Variants in NDUFAF6 observed in about 807,000 individuals in gnomAD.
The protein encoded by NDUFAF6 is NADH dehydrogenase (ubiquinone) complex I, assembly factor 6.
NDUFAF6 carries 45 observed loss-of-function variants against 40.8 expected under a neutral mutation model. That is an observed-to-expected ratio of 1.10 (90% confidence interval 0.87 to 1.42). NDUFAF6 has a LOEUF of 1.42. NDUFAF6 is among the 40% of genes most tolerant of loss of function. The probability of loss-of-function intolerance (pLI) is 0.00; values close to 1 mark genes in which losing one functional copy is unlikely to be tolerated. For missense variants in NDUFAF6, 435 were observed against 418.5 expected (o/e 1.04, Z -0.34); for synonymous variants, 185 against 155.9 (o/e 1.19, Z -1.39).
chr8:94,991,805 C>A (rs911412375), intron 2 of NDUFAF6, among the ~76,000 whole-genome samples: 1 of 141,470 alleles, frequency 7.1e-6, no homozygotes, highest in Non-Finnish European at 1.5e-5. Flanking sequence ...CGCCCCCCCC[C>A]CCTTTTTTTT....
chr8:94,977,021 C>T (rs975201214), intron 1 of NDUFAF6, among the ~76,000 whole-genome samples: 1 of 151,398 alleles, frequency 6.6e-6, no homozygotes, highest in Non-Finnish European at 1.5e-5. Flanking sequence ...CGTGGTGGCA[C>T]ACACCTGTGG....
intron 9 of NDUFAF6, among the ~76,000 whole-genome samples, chr8:95,069,395 A>G (rs922120676): frequency 7.9e-5 from 12 of 151,906 alleles, no homozygotes; most frequent in Non-Finnish European, 1.6e-4. Context: ...ACAGAAGACT[A>G]CTGCTACCAC....
chr8:94,909,658 C>A (rs954184500), intron 1 of NDUFAF6, among the ~76,000 whole-genome samples: 2 of 151,572 alleles, frequency 1.3e-5, no homozygotes, highest in Admixed American at 1.3e-4. Context: ...AAAAAGCCAG[C>A]CGGGCGTGGT....
In NDUFAF6 at chr8:95,032,016, T is replaced by C; in HGVS notation, c.219T>C (p.Tyr73=). ...ACAGGAAACGGGATTATGAAGGTTATTTATGCTCCCTGCTGCTCCCTGCAG... is the reference window on the plus strand; with the variant it reads ...ACAGGAAACGGGATTATGAAGGTTACTTATGCTCCCTGCTGCTCCCTGCAG... ...ELLRKRDYEG[Y]LCSLLLPAES... is the part of the protein sequence containing the mutation. Residue 73 remains tyrosine, a synonymous_variant, in exon 2 of 9, where the codon TAT becomes TAC. Coordinates refer to ENST00000396124, the MANE Select transcript of NDUFAF6 (RefSeq NM_152416.4). 6.2e-7 allele frequency: 1 copy of C among 1,613,980 alleles called. No homozygotes were observed. The highest frequency in any genetic ancestry group is 1.3e-5 in the African/African-American group (1 of 75,046).
chr8:94,962,616 G>GTTTTTTTTT (rs1289805308), intron 1 of NDUFAF6, among the ~76,000 whole-genome samples: 1 of 97,644 alleles, frequency 1.0e-5, no homozygotes, highest in Non-Finnish European at 2.3e-5. Flanking sequence ...TTTGTTTTTT[G>GTTTTTTTTT]TTTTTTTTTT....
intron 3 of NDUFAF6, chr8:95,036,265 C>T: frequency 8.1e-7 from 1 of 1,239,360 alleles, no homozygotes; most frequent in Non-Finnish European, 1.0e-6. Flanking sequence ...GAATTAGATA[C>T]CTTTCATCAC....
chr8:95,091,790 G>C lies in NDUFAF6; in HGVS notation n.214-9342G>C, dbSNP rs562309319. Among the ~76,000 whole-genome samples the C allele has an allele frequency of 3.6e-3, 438 of 123,018 alleles. 1 individual carries two copies. Among genetic ancestry groups the C allele is most frequent in the Admixed American group, 6.3e-3 (66 of 10,548 alleles). 80.7% of individuals were successfully genotyped at this position (123,018 alleles called of 152,430 possible). A position where few individuals can be genotyped will look rare whatever the true frequency, so the allele number is the denominator to read the frequency against. On this transcript the variant is annotated intron_variant and non_coding_transcript_variant, in intron 2 of 5. Transcript: ENST00000523184. ...TGAGTAGCTGGGACTACAGGTGTGT[G>C]CTACTGCCCCTGGCTAATTTTTTTT...
In NDUFAF6 at chr8:95,010,860, G is replaced by A. The variant is rs548224961; in HGVS notation, c.-83-21135G>A. ...GGGAAAGGTTTTGTGGGGAGTAAAG[G>A]CCGTCAAGACAAAGGGGAAGGAAGC... On this transcript the variant is annotated intron_variant, in intron 2 of 9. Transcript: ENST00000396111. Among the ~76,000 whole-genome samples, 6 of 152,322 alleles carry A rather than the reference G, an allele frequency of 3.9e-5. No individual in the cohort carries two copies. The East Asian group carries it at 1.2e-3, about 29-fold the overall frequency.
intron 4 of NDUFAF6, among the ~76,000 whole-genome samples, chr8:95,110,242 C>T (rs1179858758): frequency 5.3e-5 from 8 of 152,194 alleles, no homozygotes; most frequent in South Asian, 2.1e-4. Flanking sequence ...ATTAGTATCT[C>T]GCCTACAACA....
intron 9 of NDUFAF6, chr8:95,075,538 C>T: frequency 3.7e-6 from 4 of 1,077,636 alleles, no homozygotes; most frequent in Non-Finnish European, 5.0e-6. Context: ...TTTATCCTCC[C>T]CAGGCCAACC....
At chr8:94,991,397 A>T (rs961514041) in intron 2 of NDUFAF6, among the ~76,000 whole-genome samples, 3 of 152,234 alleles carry the variant, frequency 2.0e-5, no homozygotes, top group Non-Finnish European at 4.4e-5. Context: ...CTCTGGAGTC[A>T]GGCAGAGGTA....
intron 1 of NDUFAF6, chr8:94,896,057 G>C (rs1027173630): frequency 2.1e-4 from 32 of 153,602 alleles, no homozygotes; most frequent in African/African-American, 7.5e-4. Flanking sequence ...CAGTCCCCGC[G>C]CAGGAAACGC....
chr8:95,098,528 T>C (rs1346571492), upstream of NDUFAF6, among the ~76,000 whole-genome samples: 1 of 152,188 alleles, frequency 6.6e-6, no homozygotes, highest in Admixed American at 6.5e-5. Flanking sequence ...TAGCCGGGCA[T>C]GGTGGCACAC....
At chr8:95,010,908 C>A (rs906115152) in intron 2 of NDUFAF6, among the ~76,000 whole-genome samples, 1 of 152,226 alleles carries the variant, frequency 6.6e-6, no homozygotes, top group Non-Finnish European at 1.5e-5. Flanking sequence ...AAGGAGCCAG[C>A]AGACCCAATC....
intron 2 of NDUFAF6, among the ~76,000 whole-genome samples, chr8:94,985,470 TATATATATATATATATATATATA>T (rs1563770415): frequency 3.3e-3 from 3 of 910 alleles, no homozygotes; most frequent in Non-Finnish European, 6.2e-3. Context: ...ACAATAATTA[TATATATATATATATATATATATA>T]TATATATATA....
At chr8:95,062,570 A>T (rs1424702870), downstream of NDUFAF6, among the ~76,000 whole-genome samples, 1 of 152,196 alleles carries the variant, frequency 6.6e-6, no homozygotes. Flanking sequence ...CCTGACTCAA[A>T]CATTCATGTT....
chr8:95,082,871 G>A (rs1031976907), intron 2 of NDUFAF6, among the ~76,000 whole-genome samples: 1 of 151,994 alleles, frequency 6.6e-6, no homozygotes. Flanking sequence ...CGTTTTAGCC[G>A]GGATGGTTTC....
intron 1 of NDUFAF6, chr8:94,939,818 C>A: frequency 6.3e-7 from 1 of 1,577,080 alleles, no homozygotes; most frequent in Non-Finnish European, 8.6e-7. Flanking sequence ...AAAATGCATG[C>A]TCAGTGGACT....
intron 1 of NDUFAF6, chr8:94,930,401 C>G: frequency 4.5e-6 from 7 of 1,559,062 alleles, no homozygotes; most frequent in Non-Finnish European, 6.1e-6. Context: ...AAAGAGACAA[C>G]ATTTTCACTG....
Sources: gnomAD v4.1 joint callset for allele counts (sites outside exome capture counted in the v4.1 genomes callset) on GRCh38, gnomAD v4.1.1 for gene constraint, MANE v1.5 for transcripts, NCBI Gene and HGNC (gene_info 2026-07-23, HGNC 2026-07-21) for gene names.